CNTN4: variants seen among roughly 807,000 people sequenced by gnomAD.
The protein encoded by CNTN4 is contactin-4.
A neutral mutation model predicts 122.5 loss-of-function variants in CNTN4; 77 were observed. The observed-to-expected ratio is 0.63, with a 90% CI of 0.52 to 0.76. The LOEUF (loss-of-function observed/expected upper bound fraction) is 0.76, where lower values mean the gene tolerates loss of function less well. Among genes scored for constraint, CNTN4 ranks in the 30% least tolerant of loss-of-function variants. CNTN4 has a pLI of 0.00. For missense variants in CNTN4, 1,256 were observed against 1,259.1 expected (o/e 1.00, Z 0.04); for synonymous variants, 512 against 447.0 (o/e 1.15, Z -1.83).
At chr3:2,113,070 T>C (rs1255469016) in intron 2 of CNTN4, among the ~76,000 whole-genome samples, 1 of 152,204 alleles carries the variant, frequency 6.6e-6, no homozygotes, top group Non-Finnish European at 1.5e-5. Context: ...CAATTCTGCT[T>C]TCTTGGGCTT....
At chr3:2,983,118 A>G (rs344393) in intron 13 of CNTN4, among the ~76,000 whole-genome samples, 84,236 of 148,380 alleles carry the variant, frequency 0.57, 25,918 homozygotes, top group African/African-American at 0.83. Flanking sequence ...GGAGGCTGAG[A>G]CAGGAGAATG....
At chr3:2,655,153 T>A (rs778260587) in intron 4 of CNTN4, among the ~76,000 whole-genome samples, 5 of 152,174 alleles carry the variant, frequency 3.3e-5, no homozygotes, top group Non-Finnish European at 5.9e-5. Flanking sequence ...AAAATATGTT[T>A]GTTTTATTCC....
intron 3 of CNTN4, among the ~76,000 whole-genome samples, chr3:2,441,828 T>C (rs891107091): frequency 1.3e-5 from 2 of 152,168 alleles, no homozygotes; most frequent in Non-Finnish European, 2.9e-5. Flanking sequence ...GTATACAAAA[T>C]GTTGGATCTA....
intron 4 of CNTN4, among the ~76,000 whole-genome samples, chr3:2,729,405 C>A (rs966980403): frequency 2.0e-5 from 3 of 150,028 alleles, no homozygotes; most frequent in East Asian, 4.0e-4. Context: ...ATTAGCCGGG[C>A]GTGGTGGCAG....
intron 3 of CNTN4, among the ~76,000 whole-genome samples, chr3:2,426,870 A>G: frequency 6.6e-6 from 1 of 152,200 alleles, no homozygotes; most frequent in East Asian, 1.9e-4. Context: ...AAGTGTTTGT[A>G]GTATTCTCTG....
At chr3:2,627,618 C>G (rs890247193) in intron 4 of CNTN4, among the ~76,000 whole-genome samples, 1 of 151,588 alleles carries the variant, frequency 6.6e-6, no homozygotes, top group Non-Finnish European at 1.5e-5. Context: ...TTCAGCCTCC[C>G]GAGTAGTTGG....
chr3:3,010,306 T>C (rs1304734295), intron 14 of CNTN4, among the ~76,000 whole-genome samples: 2 of 152,050 alleles, frequency 1.3e-5, no homozygotes, highest in Non-Finnish European at 2.9e-5. Context: ...CCCAAATCTT[T>C]GGGCATTTTT....
intron 3 of CNTN4, among the ~76,000 whole-genome samples, chr3:2,409,377 A>G (rs1027689565): frequency 3.3e-5 from 5 of 151,452 alleles, no homozygotes; most frequent in African/African-American, 1.2e-4. Context: ...CCTCACGAGT[A>G]GCTGGGACTA....
intron 2 of CNTN4, among the ~76,000 whole-genome samples, chr3:2,145,493 A>G (rs2035202475): frequency 1.3e-5 from 2 of 152,218 alleles, no homozygotes; most frequent in Admixed American, 6.5e-5. Flanking sequence ...TAGTGTGGCA[A>G]GGTGAGATCG....
intron 7 of CNTN4, among the ~76,000 whole-genome samples, chr3:2,850,056 C>A (rs139694669): frequency 6.7e-6 from 1 of 148,284 alleles, no homozygotes; most frequent in African/African-American, 2.5e-5. Flanking sequence ...GTGGTGCAAT[C>A]TCAGCTCACT....
At chr3:2,605,580 A>G (rs983938301) in intron 4 of CNTN4, among the ~76,000 whole-genome samples, 1 of 152,208 alleles carries the variant, frequency 6.6e-6, no homozygotes, top group African/African-American at 2.4e-5. Flanking sequence ...CAGCTATTGC[A>G]GCAATCGATG....
chr3:2,760,786 A>T (rs1455174674), intron 6 of CNTN4, among the ~76,000 whole-genome samples: 3 of 152,190 alleles, frequency 2.0e-5, no homozygotes, highest in African/African-American at 7.2e-5. Context: ...ACACATTTGG[A>T]GCCCTGACAA....
chr3:2,509,860 A>G (rs1377607912), intron 3 of CNTN4, among the ~76,000 whole-genome samples: 1 of 152,134 alleles, frequency 6.6e-6, no homozygotes, highest in East Asian at 1.9e-4. Flanking sequence ...AGAAATCCAC[A>G]TTAAATATAA....
chr3:3,030,845 AC>A lies in CNTN4; in HGVS notation c.1663-9del. Reference sequence around the variant, plus strand: ...AAAGTAATTGCAGCCACTTTCCCCTACTTTATCAGCAGGATTCAGCTGGTGA... The same window carrying A: ...AAAGTAATTGCAGCCACTTTCCCCTATTTATCAGCAGGATTCAGCTGGTGA... On this transcript the variant is annotated splice_polypyrimidine_tract_variant and intron_variant, in intron 15 of 24. Transcript: ENST00000418658. The A allele has an allele frequency of 6.2e-7, 1 of 1,613,776 alleles. No individual in the cohort carries two copies.
At chr3:2,733,922 G>A (rs1021201488) in intron 4 of CNTN4, among the ~76,000 whole-genome samples, 7 of 152,004 alleles carry the variant, frequency 4.6e-5, no homozygotes, top group African/African-American at 1.7e-4. Flanking sequence ...TATTGATGTG[G>A]TATTTTATAA....
At chr3:2,867,034 C>T (rs556668862) in intron 8 of CNTN4, 85 bp downstream of exon 8, 1 of 1,193,818 alleles carries the variant, frequency 8.4e-7, no homozygotes, top group Admixed American at 1.8e-5. Flanking sequence ...GCACATGAAG[C>T]TTTGTTGTCT....
intron 4 of CNTN4, among the ~76,000 whole-genome samples, chr3:2,654,729 TC>T (rs2083506288): frequency 6.6e-6 from 1 of 152,056 alleles, no homozygotes; most frequent in East Asian, 1.9e-4. Flanking sequence ...GCCTGTTTTT[TC>T]CCCCCAGTCC....
chr3:2,148,100 G>A (rs2035331102), intron 2 of CNTN4, among the ~76,000 whole-genome samples: 1 of 152,122 alleles, frequency 6.6e-6, no homozygotes, highest in South Asian at 2.1e-4. Flanking sequence ...CTCCCATATG[G>A]TTGATTGGTT....
chr3:2,512,133 G>A (rs964739691), intron 3 of CNTN4, among the ~76,000 whole-genome samples: 1 of 152,062 alleles, frequency 6.6e-6, no homozygotes, highest in Non-Finnish European at 1.5e-5. Context: ...TTATTTTGCT[G>A]TTCTCTGCTG....
Sources: allele counts gnomAD v4.1 joint callset (sites outside exome capture counted in the v4.1 genomes callset), GRCh38; gene constraint gnomAD v4.1.1; transcripts MANE v1.5; gene names NCBI Gene and HGNC (gene_info 2026-07-23, HGNC 2026-07-21).